SAMHD1: variants seen among roughly 807,000 people sequenced by gnomAD.
The protein encoded by SAMHD1 is SAM and HD domain containing deoxynucleoside triphosphate triphosphohydrolase 1.
In SAMHD1, 54 loss-of-function variants were observed where a neutral mutation model predicts 79.6. That is an observed-to-expected ratio of 0.68 (90% CI 0.55 to 0.85). SAMHD1 has a LOEUF of 0.85. Ranked by LOEUF, SAMHD1 falls within the 40% of genes least tolerant of loss-of-function variation. The probability of loss-of-function intolerance (pLI) is 0.00; values close to 1 mark genes in which losing one functional copy is unlikely to be tolerated. For synonymous variants in SAMHD1, 260 were observed against 264.1 expected, an observed-to-expected ratio of 0.98 and a Z score of 0.15; for missense variants, 663 against 782.7, an observed-to-expected ratio of 0.85 and a Z score of 1.82.
rs539223546 is a variant in SAMHD1 at position 36,937,807 on chromosome 20, T to C, written c.349-2618A>G. Among the ~76,000 whole-genome samples the C allele has an allele frequency of 2.0e-5, 3 of 152,144 alleles. No homozygotes were observed. In the East Asian group the frequency reaches 5.8e-4, roughly 29 times the overall value. ...CGTGATTCAGTAGTTTGAAAATCTA[T>C]TTCCAACAACTGTCATTTATAATTT... On this transcript the variant is annotated intron_variant, in intron 3 of 15. Coordinates refer to ENST00000646673, the MANE Select transcript of SAMHD1 (RefSeq NM_015474.4).
intron 14 of SAMHD1, 74 bp downstream of exon 14, chr20:36,898,366 C>T: frequency 8.8e-7 from 1 of 1,141,280 alleles, no homozygotes; most frequent in South Asian, 1.2e-5. Flanking sequence ...ACCTAATTTG[C>T]ATATAAAATG....
intron 2 of SAMHD1, among the ~76,000 whole-genome samples, chr20:36,942,664 T>G (rs1032230179): frequency 1.4e-5 from 2 of 139,096 alleles, no homozygotes; most frequent in African/African-American, 5.4e-5. Context: ...TTTTTTTTTT[T>G]GAAATGGAGT....
chr20:36,937,929 C>T (rs1353841249), intron 3 of SAMHD1, among the ~76,000 whole-genome samples: 1 of 147,976 alleles, frequency 6.8e-6, no homozygotes, highest in African/African-American at 2.5e-5. Flanking sequence ...GTGATCATGG[C>T]TCACTGAAGC....
In SAMHD1 at chr20:36,897,829, T is replaced by A. The variant is rs1255928710; in HGVS notation, c.1739A>T (p.Lys580Met). ...VQWCADRNFT[K>M]PQDGDVIAPL... ...GAGTAACAGGCCACCTACCTGCGGC[T>A]TGGTGAAATTTCTGTCTGCACACCA... Residue 580 changes from lysine to methionine, a missense_variant, in exon 15 of 16, where the codon AAG becomes ATG. Lys to Met is a moderately conservative substitution (Grantham distance 95). Transcript: ENST00000646673. 1 of 1,614,120 alleles carries A rather than the reference T, an allele frequency of 6.2e-7. No homozygotes were observed. Among genetic ancestry groups the A allele is most frequent in the Non-Finnish European group, 8.5e-7 (1 of 1,180,048 alleles).
At chr20:36,924,868 A>G (rs2063527234) in intron 6 of SAMHD1, among the ~76,000 whole-genome samples, 1 of 152,072 alleles carries the variant, frequency 6.6e-6, no homozygotes, top group Non-Finnish European at 1.5e-5. Context: ...TTAAAAAATT[A>G]GATTTCTCGG....
rs1274685592 is a variant in SAMHD1 at position 36,890,851 on chromosome 20, G to A, written c.*2081C>T. On this transcript the variant is annotated 3_prime_UTR_variant, in exon 16 of 16. Coordinates refer to ENST00000646673, the MANE Select transcript of SAMHD1 (RefSeq NM_015474.4). ...GTTGCAAAGAACATAAAGTACAGCTGCGTTACATGTAACAAAAGATGCAAA... is the reference window on the plus strand; with the variant it reads ...GTTGCAAAGAACATAAAGTACAGCTACGTTACATGTAACAAAAGATGCAAA... The A allele has an allele frequency of 2.0e-5, 3 of 152,170 alleles. No individual in the cohort carries two copies. The highest frequency in any genetic ancestry group is 4.4e-5 in the Non-Finnish European group (3 of 68,054). The allele number at this position is 152,170 out of a possible 1,614,324, so 9.4% of individuals were successfully genotyped here.
chr20:36,951,409 G>A, intron 1 of SAMHD1, 27 bp downstream of exon 1: 1 of 1,611,982 alleles, frequency 6.2e-7, no homozygotes, highest in East Asian at 2.2e-5. Flanking sequence ...GCCGCCCTTC[G>A]CCCCTCAGCC....
chr20:36,901,514 T>C (rs1430273411), intron 13 of SAMHD1, among the ~76,000 whole-genome samples: 4 of 152,206 alleles, frequency 2.6e-5, no homozygotes, highest in South Asian at 2.1e-4. Context: ...GGCAGCAAGA[T>C]TGCTTGAGGC....
intron 3 of SAMHD1, among the ~76,000 whole-genome samples, chr20:36,939,182 A>G (rs1600387955): frequency 8.3e-6 from 1 of 121,042 alleles, no homozygotes; most frequent in Admixed American, 1.1e-4. Context: ...TGAATCTGGG[A>G]GGCAGAGGTT....
At chr20:36,948,150 T>C (rs2063707072) in intron 1 of SAMHD1, among the ~76,000 whole-genome samples, 1 of 152,176 alleles carries the variant, frequency 6.6e-6, no homozygotes, top group Non-Finnish European at 1.5e-5. Flanking sequence ...TAGTAACTTA[T>C]TTCAGACTTC....
chr20:36,931,287 A>G (rs1331300768), intron 4 of SAMHD1, among the ~76,000 whole-genome samples: 1 of 152,238 alleles, frequency 6.6e-6, no homozygotes, highest in East Asian at 1.9e-4. Flanking sequence ...CGGAATTACC[A>G]CAGTGATTTA....
At chr20:36,908,274 G>A (rs1248451421) in intron 11 of SAMHD1, among the ~76,000 whole-genome samples, 1 of 151,516 alleles carries the variant, frequency 6.6e-6, no homozygotes. Context: ...ACAGGGTCTC[G>A]CTCTGTTACC....
chr20:36,917,043 A>G lies in SAMHD1; in HGVS notation c.859T>C (p.Tyr287His). ...CTTTTGTTTTCAGGACGCCCTTTAT[A>G]TGGCCACTGGAAGGCAAGAAAACCC... Reference protein sequence around the residue: ...ESPVEDSLWPYKGRPENKSFL... With the variant: ...ESPVEDSLWPHKGRPENKSFL... Residue 287 changes from tyrosine to histidine, a missense_variant, in exon 8 of 16, where the codon TAT becomes CAT. By Grantham distance (83) the Tyr-to-His change is moderately conservative (BLOSUM62 2). Coordinates refer to ENST00000646673, the MANE Select transcript of SAMHD1 (RefSeq NM_015474.4). 6.2e-7 allele frequency: 1 copy of G among 1,611,520 alleles called. No homozygotes were observed. The highest frequency in any genetic ancestry group is 1.1e-5 in the South Asian group (1 of 91,022).
intron 4 of SAMHD1, 83 bp from the exon 5 acceptor site, chr20:36,930,958 C>T: frequency 2.2e-6 from 2 of 889,970 alleles, no homozygotes; most frequent in Non-Finnish European, 3.8e-6. Context: ...CAGTATGTTT[C>T]CTTAAACATT....
intron 1 of SAMHD1, among the ~76,000 whole-genome samples, chr20:36,947,774 C>T (rs911741225): frequency 1.2e-4 from 18 of 151,578 alleles, no homozygotes; most frequent in Admixed American, 1.1e-3. Flanking sequence ...CTCAAGCGAT[C>T]CTCCTGCCTC....
chr20:36,931,567 G>A (rs1188220267), intron 4 of SAMHD1, among the ~76,000 whole-genome samples: 2 of 151,982 alleles, frequency 1.3e-5, no homozygotes, highest in African/African-American at 2.4e-5. Context: ...AACCCAAGAG[G>A]TACAGGTTGC....
chr20:36,934,860 G>A, intron 4 of SAMHD1, 169 bp downstream of exon 4: 1 of 617,530 alleles, frequency 1.6e-6, no homozygotes, highest in Non-Finnish European at 2.9e-6. Flanking sequence ...GTTTCACAAT[G>A]TTGGCCAGGC....
intron 4 of SAMHD1, among the ~76,000 whole-genome samples, chr20:36,933,747 T>C (rs62208122): frequency 0.81 from 122,908 of 151,986 alleles, 49,854 homozygotes; most frequent in East Asian, 0.97. Flanking sequence ...TGCCCCGGCC[T>C]CCCAAAGTGC....
Position 36,905,356 on chromosome 20 carries a change from T to A in SAMHD1, c.1410+8A>T. On this transcript the variant is annotated splice_region_variant and intron_variant, in intron 12 of 15. Transcript: ENST00000646673. ...CTTTCACTAATGGAAAGATGCCTGATAACTCACCCTTTTAATCTTTATTTG... is the reference window on the plus strand; with the variant it reads ...CTTTCACTAATGGAAAGATGCCTGAAAACTCACCCTTTTAATCTTTATTTG... 8.7e-6 allele frequency: 14 copies of A among 1,614,066 alleles called. No homozygotes were observed. The highest frequency in any genetic ancestry group is 1.2e-5 in the Non-Finnish European group (14 of 1,179,974).
Sources: allele counts gnomAD v4.1 joint callset (sites outside exome capture counted in the v4.1 genomes callset), GRCh38; gene constraint gnomAD v4.1.1; transcripts MANE v1.5; gene names NCBI Gene and HGNC (gene_info 2026-07-23, HGNC 2026-07-21).